The following SARAF variants were observed in gnomAD, a reference collection of about 807,000 sequenced individuals.
SARAF encodes the protein store-operated calcium entry associated regulatory factor.
A neutral mutation model predicts 39.7 loss-of-function variants in SARAF; 23 were observed. The ratio of observed to expected loss-of-function variants is 0.58; its 90% CI spans 0.42 to 0.82. The LOEUF (loss-of-function observed/expected upper bound fraction) is 0.82. SARAF is among the 40% of genes least tolerant of loss of function. SARAF has a pLI of 0.00. For missense variants in SARAF, 384 were observed against 418.5 expected, an observed-to-expected ratio of 0.92 and a Z score of 0.72; for synonymous variants, 175 against 168.5, an observed-to-expected ratio of 1.04 and a Z score of -0.30.
Position 30,069,632 on chromosome 8 carries a change from G to T in SARAF, c.700+10C>A, listed in dbSNP as rs1414499617. The T allele has an allele frequency of 6.5e-7, 1 of 1,545,498 alleles. No individual in the cohort carries two copies. The highest frequency in any genetic ancestry group is 2.2e-5 in the East Asian group (1 of 44,858). ...CCGCTCTATTTATGGCCACTGCGAG[G>T]GAAACATACCTGTGAACTCAGACTT... On this transcript the variant is annotated intron_variant, in intron 3 of 5. Transcript: ENST00000256255.
intron 3 of SARAF, among the ~76,000 whole-genome samples, chr8:30,069,174 C>A (rs1176710959): frequency 8.2e-6 from 1 of 122,004 alleles, no homozygotes; most frequent in Non-Finnish European, 1.6e-5. Flanking sequence ...GGGTCTCGCT[C>A]TGTCACTCAG....
intron 5 of SARAF, among the ~76,000 whole-genome samples, chr8:30,064,992 G>A (rs1801650889): frequency 6.6e-6 from 1 of 152,066 alleles, no homozygotes; most frequent in Admixed American, 6.6e-5. Context: ...AAATGTAACT[G>A]CTATCATCAT....
intron 5 of SARAF, among the ~76,000 whole-genome samples, chr8:30,064,849 C>T (rs1801647831): frequency 6.6e-6 from 1 of 151,890 alleles, no homozygotes; most frequent in Admixed American, 6.6e-5. Flanking sequence ...AGGTGTGAGC[C>T]ACCGTGCCTG....
At chr8:30,070,929 C>G (rs1801826792) in intron 2 of SARAF, among the ~76,000 whole-genome samples, 1 of 151,996 alleles carries the variant, frequency 6.6e-6, no homozygotes, top group Non-Finnish European at 1.5e-5. Flanking sequence ...TAGAAAAATG[C>G]AAAAAGAACC....
At chr8:30,064,550 TA>T (rs1340933415) in intron 5 of SARAF, among the ~76,000 whole-genome samples, 1,715 of 39,762 alleles carry the variant, frequency 0.043, 70 homozygotes, top group Admixed American at 0.051. Context: ...TATATATATA[TA>T]TATATATATA....
At chr8:30,073,646 T>A (rs1801894252) in intron 2 of SARAF, 1 of 422,330 alleles carries the variant, frequency 2.4e-6, no homozygotes, top group African/African-American at 2.0e-5. Context: ...TACAAATATC[T>A]TAGAAGGAGG....
At chr8:30,068,490 A>C (rs560948671) in intron 3 of SARAF, among the ~76,000 whole-genome samples, 1 of 152,334 alleles carries the variant, frequency 6.6e-6, no homozygotes, top group East Asian at 1.9e-4. Flanking sequence ...ATATATTACA[A>C]TGTAATAACA....
intron 1 of SARAF, among the ~76,000 whole-genome samples, chr8:30,077,780 G>A (rs111256957): frequency 2.5e-4 from 38 of 151,536 alleles, no homozygotes; most frequent in African/African-American, 5.1e-4. Flanking sequence ...CCAGCCTGGC[G>A]ATAGAGCAAG....
chr8:30,075,977 T>C (rs1464912923), intron 1 of SARAF, among the ~76,000 whole-genome samples: 1 of 28,636 alleles, frequency 3.5e-5, no homozygotes, highest in African/African-American at 1.2e-4. Context: ...CATAACAGAA[T>C]CCCTAAAAAA....
chr8:30,070,987 GT>G (rs1801828145), intron 2 of SARAF, among the ~76,000 whole-genome samples: 1 of 152,150 alleles, frequency 6.6e-6, no homozygotes, highest in African/African-American at 2.4e-5. Context: ...ATATGCCCAA[GT>G]TTGGTCTAGA....
At chr8:30,068,619 T>C (rs1005938179) in intron 3 of SARAF, among the ~76,000 whole-genome samples, 3 of 116,228 alleles carry the variant, frequency 2.6e-5, no homozygotes, top group African/African-American at 1.0e-4. Flanking sequence ...ACAAAGCTGG[T>C]CCCTGGTGCC....
chr8:30,065,712 T>C (rs1290701662), intron 5 of SARAF: 15 of 385,714 alleles, frequency 3.9e-5, no homozygotes, highest in Non-Finnish European at 6.8e-5. Context: ...TTAAAGGATC[T>C]CTAGAGATCA....
At chr8:30,066,531 A>T (rs1801697079) in intron 4 of SARAF, among the ~76,000 whole-genome samples, 1 of 152,170 alleles carries the variant, frequency 6.6e-6, no homozygotes, top group Admixed American at 6.6e-5. Flanking sequence ...ATGTCAACTA[A>T]ACAGTCTTTT....
At chr8:30,083,162 C>T (rs929876555), upstream of SARAF, 32 of 471,656 alleles carry the variant, frequency 6.8e-5, no homozygotes, top group African/African-American at 5.6e-4. Flanking sequence ...GCCGTGGGCC[C>T]CCGCCCCTGG....
chr8:30,077,141 A>G (rs1200207098), intron 1 of SARAF, among the ~76,000 whole-genome samples: 2 of 152,366 alleles, frequency 1.3e-5, no homozygotes, highest in Middle Eastern at 3.4e-3. Context: ...TGGAAATTAA[A>G]AACAGGACAG....
In SARAF at chr8:30,069,848, C is replaced by T. The variant is rs1801791365; in HGVS notation, c.494G>A (p.Trp165Ter). 1.1e-5 allele frequency: 17 copies of T among 1,614,014 alleles called. No homozygotes were observed. Among genetic ancestry groups the T allele is most frequent in the Non-Finnish European group, 1.4e-5 (17 of 1,180,030 alleles). ...FASFSDYYYKWSSADSCNMSG... is the reference protein window; with the variant it reads ...FASFSDYYYK ...CATGTTACAGGAATCCGCCGAGGAC[C>T]ACTTATAATAATAATCAGAGAAAGA... Residue 165 changes from tryptophan to a stop codon, truncating the protein, a stop_gained, in exon 3 of 6, where the codon TGG becomes TAG. Transcript: ENST00000256255. LOFTEE classifies it high-confidence loss of function.
In SARAF at chr8:30,069,991, A is replaced by G. The variant is rs149764280; in HGVS notation, c.351T>C (p.Tyr117=). ...GTACATACTGGTCTTCAGAGGACTC[A>G]TAGCCTTCACAGCTCACCACAGTTT... The part of the protein sequence containing the change: ...FGKTVVSCEG[Y]ESSEDQYVLR... The change falls in exon 3 of 6, where the codon TAT becomes TAC. Residue 117 remains tyrosine (Y), a synonymous_variant. Coordinates refer to ENST00000256255, the MANE Select transcript of SARAF (RefSeq NM_016127.6). 33 of 1,614,004 alleles carry G rather than the reference A, an allele frequency of 2.0e-5. No homozygotes were observed. In the African/African-American group the frequency reaches 3.9e-4, roughly 19 times the overall value.
intron 3 of SARAF, among the ~76,000 whole-genome samples, chr8:30,069,174 C>T (rs1176710959): frequency 8.2e-6 from 1 of 122,004 alleles, no homozygotes; most frequent in East Asian, 2.5e-4. Flanking sequence ...GGGTCTCGCT[C>T]TGTCACTCAG....
At chr8:30,074,167 T>A in intron 1 of SARAF, 112 bp from the exon 2 acceptor site, 3 of 1,182,668 alleles carry the variant, frequency 2.5e-6, no homozygotes, top group Non-Finnish European at 3.5e-6. Flanking sequence ...CTTCTGAGGA[T>A]GGCTAAGAGA....
Sources: allele counts gnomAD v4.1 joint callset (sites outside exome capture counted in the v4.1 genomes callset), GRCh38; gene constraint gnomAD v4.1.1; transcripts MANE v1.5; gene names NCBI Gene and HGNC (gene_info 2026-07-23, HGNC 2026-07-21).